BCOR: variants seen among roughly 807,000 people sequenced by gnomAD.
BCOR encodes the protein BCL6 corepressor.
A neutral mutation model predicts 86.7 loss-of-function variants in BCOR; 10 were observed. The observed-to-expected ratio is 0.12, with a 90% CI of 0.07 to 0.20. The LOEUF (loss-of-function observed/expected upper bound fraction) is 0.20. Among genes scored for constraint, BCOR ranks in the 10% least tolerant of loss-of-function variants. The pLI is 1.00. For synonymous variants in BCOR, 611 were observed against 609.0 expected, an observed-to-expected ratio of 1.00 and a Z score of -0.05; for missense variants, 1,259 against 1,452.1, an observed-to-expected ratio of 0.87 and a Z score of 2.16.
chrX:40,159,823 A>G (rs754095392), intron 1 of BCOR, among the ~76,000 whole-genome samples: 1 of 112,176 alleles, frequency 8.9e-6, no homozygotes, highest in South Asian at 3.7e-4. Flanking sequence ...TTAATTGTAC[A>G]GAGGTTGGAA....
chrX:40,131,254 C>T (rs1039544046), intron 1 of BCOR, among the ~76,000 whole-genome samples: 3 of 112,146 alleles, frequency 2.7e-5, no homozygotes, highest in African/African-American at 9.7e-5. Flanking sequence ...TGACAGTGAA[C>T]CACAGATCTT....
chrX:40,080,977 A>G (rs941716955), intron 1 of BCOR, among the ~76,000 whole-genome samples: 20 of 31,272 alleles, frequency 6.4e-4, no homozygotes, highest in East Asian at 2.1e-3. Flanking sequence ...GCACACGCGC[A>G]CACACACACG....
intron 1 of BCOR, among the ~76,000 whole-genome samples, chrX:40,105,494 A>G (rs780565958): frequency 2.0e-4 from 22 of 111,711 alleles, no homozygotes; most frequent in African/African-American, 5.5e-4. Flanking sequence ...TCCCGGTGTA[A>G]GCCGAGAGGA....
intron 1 of BCOR, among the ~76,000 whole-genome samples, chrX:40,172,711 G>T (rs1938654849): frequency 8.8e-6 from 1 of 113,109 alleles, no homozygotes. Context: ...GACAAGCGGC[G>T]GGGAGCCCGG....
rs190759590 is a variant in BCOR at position 40,125,467 on chromosome X, C to G, written c.-40-47498G>C. Among the ~76,000 whole-genome samples the G allele has an allele frequency of 2.5e-4, 28 of 111,686 alleles. 1 individual carries two copies. In the East Asian group the frequency reaches 7.9e-3, roughly 32 times the overall value. On this transcript the variant is annotated intron_variant, in intron 1 of 14. Transcript: ENST00000342274. ...CAGGCTGGTCTTGAACTCTTGACCT[C>G]AAGTGATCCATCTGCCTCGACCTCC... is the stretch of plus-strand genomic sequence containing the variant.
At chrX:40,067,533 C>T (rs1374008984) in intron 6 of BCOR, among the ~76,000 whole-genome samples, 1 of 112,347 alleles carries the variant, frequency 8.9e-6, no homozygotes, top group Non-Finnish European at 1.9e-5. Flanking sequence ...TATCGGGAGC[C>T]CTCCACTGCT....
intron 1 of BCOR, among the ~76,000 whole-genome samples, chrX:40,172,919 G>C: frequency 8.8e-6 from 1 of 113,010 alleles, no homozygotes; most frequent in East Asian, 2.8e-4. Flanking sequence ...TCCGGCGGAC[G>C]TGACCGCCGG....
At chrX:40,060,769 T>C (rs1451769901) in intron 10 of BCOR, among the ~76,000 whole-genome samples, 1 of 112,831 alleles carries the variant, frequency 8.9e-6, no homozygotes, top group Non-Finnish European at 1.9e-5. Flanking sequence ...TTCAAATCCT[T>C]CTAGAGAGTT....
At chrX:40,174,534 G>A (rs1410768855) in intron 1 of BCOR, among the ~76,000 whole-genome samples, 1 of 112,978 alleles carries the variant, frequency 8.9e-6, no homozygotes, top group African/African-American at 3.2e-5. Flanking sequence ...CAGCGTGTAC[G>A]CAGGAAAAGA....
rs1327324758 is a variant in BCOR at position 40,064,571 on chromosome X, A to T, written c.3267T>A (p.Arg1089=). 2 of 1,212,078 alleles carry T rather than the reference A, an allele frequency of 1.7e-6. No individual in the cohort carries two copies. The highest frequency in any genetic ancestry group is 2.3e-4 in the Middle Eastern group (1 of 4,350). The change falls in exon 7 of 15, where the codon CGT becomes CGA. Residue 1089 remains arginine, a synonymous_variant. Coordinates refer to ENST00000378444, the MANE Select transcript of BCOR (RefSeq NM_001123385.2). ...RCEYSVGNKH[R]DPFEAPEDKD... is the part of the protein sequence containing the mutation. ...TGTCCTCTGGGGCTTCAAAGGGATC[A>T]CGGTGCTTGTTTCCAACACTATACT...
intron 1 of BCOR, among the ~76,000 whole-genome samples, chrX:40,168,746 G>A (rs1278114623): frequency 2.6e-5 from 3 of 113,346 alleles, no homozygotes; most frequent in Non-Finnish European, 5.6e-5. Context: ...GAGCCAGGGC[G>A]GCCTCTCGCC....
At chrX:40,098,026 C>A (rs1472168902), upstream of BCOR, among the ~76,000 whole-genome samples, 1 of 93,065 alleles carries the variant, frequency 1.1e-5, no homozygotes, top group African/African-American at 4.0e-5. Context: ...CTCCCCCTCC[C>A]TCCGCCCGTC....
chrX:40,119,081 C>G (rs751880248), intron 1 of BCOR, among the ~76,000 whole-genome samples: 9 of 112,059 alleles, frequency 8.0e-5, no homozygotes, highest in African/African-American at 2.9e-4. Flanking sequence ...GATCTGCCCA[C>G]CTTGGCCTCC....
At chrX:40,130,531 G>A (rs752612811) in intron 1 of BCOR, among the ~76,000 whole-genome samples, 23 of 112,326 alleles carry the variant, frequency 2.0e-4, no homozygotes, top group Admixed American at 1.5e-3. Context: ...GTGTCGCATC[G>A]CTGTGCAGCT....
intron 1 of BCOR, among the ~76,000 whole-genome samples, chrX:40,159,596 C>T (rs1246933498): frequency 9.0e-6 from 1 of 111,333 alleles, no homozygotes; most frequent in Non-Finnish European, 1.9e-5. Context: ...GTGATCCACC[C>T]GCCTCGGCCT....
chrX:40,153,894 C>A (rs921499680), intron 1 of BCOR, among the ~76,000 whole-genome samples: 1 of 105,899 alleles, frequency 9.4e-6, no homozygotes, highest in African/African-American at 3.4e-5. Flanking sequence ...GGCCTCGTGG[C>A]GGGAGGCGAG....
rs61744882 is a variant in BCOR at position 40,075,123 on chromosome X, T to A, written c.223A>T (p.Thr75Ser). Residue 75 changes from threonine to serine, a missense_variant, in exon 4 of 15, where the codon ACT (threonine) becomes TCT (serine). Coordinates refer to ENST00000378444, the MANE Select transcript of BCOR (RefSeq NM_001123385.2). ...DGLAALSMDRTGLIREGLRVP... is the reference protein window; with the variant it reads ...DGLAALSMDRSGLIREGLRVP... ...CGCAGCCCTTCCCGGATCAGGCCAG[T>A]GCGGTCCATGCTCAGTGCTGCCAGG... The A allele has an allele frequency of 8.9e-5, 108 of 1,208,035 alleles. No homozygotes were observed. The African/African-American group carries it at 1.9e-3, about 21-fold the overall frequency.
intron 1 of BCOR, among the ~76,000 whole-genome samples, chrX:40,151,285 G>C (rs1299979042): frequency 1.8e-5 from 2 of 112,489 alleles, no homozygotes; most frequent in Non-Finnish European, 3.8e-5. Context: ...ACAGGGATTG[G>C]GGCAAGCAGG....
At chrX:40,168,849 T>C (rs1938560312) in intron 1 of BCOR, among the ~76,000 whole-genome samples, 1 of 113,161 alleles carries the variant, frequency 8.8e-6, no homozygotes, top group Non-Finnish European at 1.9e-5. Flanking sequence ...ATAATGCAAA[T>C]TATTTATGGG....
Sources: allele counts gnomAD v4.1 joint callset (sites outside exome capture counted in the v4.1 genomes callset), GRCh38; gene constraint gnomAD v4.1.1; transcripts MANE v1.5; gene names NCBI Gene and HGNC (gene_info 2026-07-23, HGNC 2026-07-21).